PCDHA12: variants seen among roughly 807,000 people sequenced by gnomAD.
The protein encoded by PCDHA12 is protocadherin alpha-12.
A neutral mutation model predicts 60.0 loss-of-function variants in PCDHA12; 44 were observed. The ratio of observed to expected loss-of-function variants is 0.73; its 90% CI spans 0.58 to 0.94. PCDHA12 has a LOEUF of 0.94. Ranked by LOEUF, PCDHA12 falls within the 40% of genes least tolerant of loss-of-function variation. The probability of loss-of-function intolerance (pLI) is 0.00; values close to 1 mark genes in which losing one functional copy is unlikely to be tolerated. For synonymous variants in PCDHA12, 569 were observed against 553.0 expected, an observed-to-expected ratio of 1.03 and a Z score of -0.40; for missense variants, 1,276 against 1,239.7, an observed-to-expected ratio of 1.03 and a Z score of -0.44.
chr5:140,997,984 A>G (rs1004761154), intron 3 of PCDHA12, among the ~76,000 whole-genome samples: 4 of 152,188 alleles, frequency 2.6e-5, no homozygotes, highest in Admixed American at 2.6e-4. Context: ...TGCACTTGTT[A>G]CATACTTCCC....
At chr5:140,943,893 A>AT (rs1364551909) in intron 1 of PCDHA12, among the ~76,000 whole-genome samples, 3 of 152,226 alleles carry the variant, frequency 2.0e-5, no homozygotes, top group Non-Finnish European at 4.4e-5. Flanking sequence ...ACTGGTCATT[A>AT]TGATGTCATG....
chr5:140,926,766 C>A (rs950499262), intron 1 of PCDHA12: 34 of 1,343,396 alleles, frequency 2.5e-5, no homozygotes, highest in Non-Finnish European at 3.3e-5. Context: ...GAGTATCCAG[C>A]CCGCAGCAGT....
At chr5:140,891,371 T>C (rs1483919316) in intron 1 of PCDHA12, among the ~76,000 whole-genome samples, 1 of 152,146 alleles carries the variant, frequency 6.6e-6, no homozygotes, top group Non-Finnish European at 1.5e-5. Flanking sequence ...CAGTATACAT[T>C]GCACCATATT....
chr5:140,931,088 A>G (rs1178910459), intron 1 of PCDHA12, among the ~76,000 whole-genome samples: 1 of 152,196 alleles, frequency 6.6e-6, no homozygotes, highest in African/African-American at 2.4e-5. Context: ...AGTTCTACAG[A>G]TGACAAAGGA....
At chr5:140,921,920 TTA>T (rs1253318185) in intron 1 of PCDHA12, among the ~76,000 whole-genome samples, 1 of 151,888 alleles carries the variant, frequency 6.6e-6, no homozygotes, top group African/African-American at 2.4e-5. Flanking sequence ...ATGATAAAAC[TTA>T]TAGTCAATAT....
intron 1 of PCDHA12, among the ~76,000 whole-genome samples, chr5:140,900,435 G>A (rs1219799362): frequency 3.3e-5 from 5 of 152,088 alleles, no homozygotes; most frequent in African/African-American, 9.7e-5. Context: ...GTGCCACCAC[G>A]GCCGGCTAAT....
chr5:140,938,086 TTTA>T (rs1189650554), intron 1 of PCDHA12, among the ~76,000 whole-genome samples: 6 of 152,142 alleles, frequency 3.9e-5, no homozygotes, highest in African/African-American at 1.4e-4. Flanking sequence ...TAATGTTAGT[TTTA>T]TTATTGTATT....
At chr5:140,927,592 G>A in intron 1 of PCDHA12, 5 of 1,614,170 alleles carry the variant, frequency 3.1e-6, no homozygotes, top group Non-Finnish European at 4.2e-6. Context: ...GCCTGTATTT[G>A]AGCGCTCCGT....
chr5:140,953,050 A>C (rs1169479924), intron 1 of PCDHA12, among the ~76,000 whole-genome samples: 1 of 152,122 alleles, frequency 6.6e-6, no homozygotes, highest in African/African-American at 2.4e-5. Flanking sequence ...TGATCCAATC[A>C]CCTCTCACAG....
intron 3 of PCDHA12, among the ~76,000 whole-genome samples, chr5:141,002,107 C>T (rs991036721): frequency 6.6e-6 from 1 of 152,246 alleles, no homozygotes. Context: ...GGGCCGGAAA[C>T]GGCTATAATC....
In PCDHA12 at chr5:140,877,394, A is replaced by G. The variant is rs538259450; in HGVS notation, c.1922A>G (p.Asp641Gly). 5.6e-6 allele frequency: 9 copies of G among 1,613,930 alleles called. No individual in the cohort carries two copies. In the South Asian group the frequency reaches 8.8e-5, roughly 16 times the overall value. Residue 641 changes from aspartate to glycine, a missense_variant, in exon 1 of 4, where the codon GAC becomes GGC. Physicochemically the swap from Asp to Gly is moderately conservative, Grantham distance 94 (BLOSUM62 -1). Transcript: ENST00000398631. ...ACGACACGCATCCTGGATGAGGCGG[A>G]CGCTCCGCGCCACCGCCTGCTGGTG... is the stretch of plus-strand genomic sequence containing the variant. ...ISTTRILDEA[D>G]APRHRLLVLV...
rs2098416049 is a variant in PCDHA12, at chr5:141,010,101, T to G, written c.*164T>G. The G allele has an allele frequency of 6.2e-6, 10 of 1,612,488 alleles. No homozygotes were observed. Among genetic ancestry groups the G allele is most frequent in the Non-Finnish European group, 8.5e-6 (10 of 1,179,154 alleles). ...GTCTGTCTAGAACGCATTTAACAGG[T>G]TTTGTCGTAAAAGCTTTACTAAGTC... On this transcript the variant is annotated 3_prime_UTR_variant, in exon 4 of 4. Transcript: ENST00000398631.
intron 1 of PCDHA12, among the ~76,000 whole-genome samples, chr5:140,917,533 T>C (rs1584058253): frequency 6.6e-6 from 1 of 152,346 alleles, no homozygotes; most frequent in East Asian, 1.9e-4. Context: ...GTTTGTATAG[T>C]TTTAGGTTTT....
At chr5:140,933,618 G>T (rs2089270614) in intron 1 of PCDHA12, among the ~76,000 whole-genome samples, 1 of 151,904 alleles carries the variant, frequency 6.6e-6, no homozygotes, top group African/African-American at 2.4e-5. Flanking sequence ...TTCTTATTAG[G>T]TTAGGCTGGC....
At chr5:140,888,703 G>C (rs547593291) in intron 1 of PCDHA12, among the ~76,000 whole-genome samples, 1 of 152,180 alleles carries the variant, frequency 6.6e-6, no homozygotes, top group Admixed American at 6.5e-5. Context: ...TGATTGGTAG[G>C]AATGTGAAAT....
intron 1 of PCDHA12, among the ~76,000 whole-genome samples, chr5:140,950,613 A>G (rs980395914): frequency 3.3e-5 from 5 of 152,064 alleles, no homozygotes; most frequent in African/African-American, 1.2e-4. Context: ...TGATGTGCTT[A>G]TTTATGCTTT....
chr5:140,959,780 A>G (rs2095510657), intron 1 of PCDHA12, among the ~76,000 whole-genome samples: 1 of 152,262 alleles, frequency 6.6e-6, no homozygotes. Flanking sequence ...AACAGTGTAT[A>G]TTAACATGGC....
chr5:141,008,346 C>T lies in PCDHA12; in HGVS notation c.2516-1281C>T, dbSNP rs1223206383. Among the ~76,000 whole-genome samples the T allele has an allele frequency of 2.0e-5, 3 of 152,158 alleles. No homozygotes were observed. The East Asian group carries it at 5.8e-4, about 29-fold the overall frequency. On this transcript the variant is annotated intron_variant, in intron 3 of 3. Coordinates refer to ENST00000398631, the MANE Select transcript of PCDHA12 (RefSeq NM_018903.4). ...ACAGTTTATTTGATGGAGCTTTTCA[C>T]GTGTCAACCAAAGGAGCAGTGTTAG...
chr5:140,965,206 T>A (rs2095879920), intron 1 of PCDHA12, among the ~76,000 whole-genome samples: 1 of 152,238 alleles, frequency 6.6e-6, no homozygotes. Flanking sequence ...AGATTTCAAA[T>A]TCCTGTGGAA....
Sources: allele counts gnomAD v4.1 joint callset (sites outside exome capture counted in the v4.1 genomes callset), GRCh38; gene constraint gnomAD v4.1.1; transcripts MANE v1.5; gene names NCBI Gene and HGNC (gene_info 2026-07-23, HGNC 2026-07-21).